MYL2: variants seen among roughly 807,000 people sequenced by gnomAD.
MYL2 encodes myosin light chain 2.
MYL2 carries 19 observed loss-of-function variants against 23.0 expected under a neutral mutation model. The observed-to-expected ratio is 0.83, with a 90% CI of 0.58 to 1.21. The LOEUF (loss-of-function observed/expected upper bound fraction) is 1.21. MYL2 is among the 50% of genes most tolerant of loss of function. The pLI is 0.00. For missense variants in MYL2, 180 were observed against 215.1 expected (o/e 0.84, Z 1.02); for synonymous variants, 78 against 76.2 (o/e 1.02, Z -0.13).
In MYL2 at chr12:110,914,099, T is replaced by C; in HGVS notation, c.274+87A>G. The C allele has an allele frequency of 2.9e-6, 3 of 1,052,368 alleles. No homozygotes were observed. The South Asian group carries it at 3.8e-5, about 13-fold the overall frequency. The allele number at this position is 1,052,368 out of a possible 1,614,324, so 65.2% of individuals were successfully genotyped here. A position where few individuals can be genotyped will look rare whatever the true frequency, so the allele number is the denominator to read the frequency against. On this transcript the variant is annotated intron_variant, in intron 4 of 6. Transcript: ENST00000228841. The stretch of plus-strand genomic sequence containing the variant: ...TATTTTTTTCCAATGGTGCTTTATC[T>C]CTTTTAAAGTTAACCATCTTCTGCC...
chr12:110,910,954 G>T lies in MYL2; in HGVS notation c.*123C>A. On this transcript the variant is annotated 3_prime_UTR_variant, in exon 7 of 7. Coordinates refer to ENST00000228841, the MANE Select transcript of MYL2 (RefSeq NM_000432.4). ...CCAGGCTGCAAAGAAGATGGAGGTG[G>T]ATAAATGGGGCAGCCACATGGCTAA... The T allele has an allele frequency of 1.1e-6, 1 of 920,230 alleles. No individual in the cohort carries two copies. Among genetic ancestry groups the T allele is most frequent in the Admixed American group, 1.8e-5 (1 of 55,492 alleles). The allele number at this position is 920,230 out of a possible 1,614,324, so 57.0% of individuals were successfully genotyped here.
Position 110,910,913 on chromosome 12 carries a change from A to G in MYL2, c.*164T>C. The stretch of plus-strand genomic sequence containing the variant: ...TCCAACTGTAGGATGTGCGGCCACG[A>G]AGTACCCATAGCCACCCAGGCTGCA... On this transcript the variant is annotated 3_prime_UTR_variant, in exon 7 of 7. Transcript: ENST00000228841. 1.4e-6 allele frequency: 1 copy of G among 690,202 alleles called. No homozygotes were observed. The highest frequency in any genetic ancestry group is 2.6e-6 in the Non-Finnish European group (1 of 381,520). 42.8% of individuals were successfully genotyped at this position (690,202 alleles called of 1,614,324 possible). A position where few individuals can be genotyped will look rare whatever the true frequency, so the allele number is the denominator to read the frequency against.
In MYL2 at chr12:110,920,545, G is replaced by A; in HGVS notation, c.-16C>T. 2 of 1,614,144 alleles carry A rather than the reference G, an allele frequency of 1.2e-6. No individual in the cohort carries two copies. Reference sequence around the variant, plus strand: ...TACTCACCATGGTGGAAAGGACCCAGCACTGCCTCCCGAGAAGAATTCCAC... The same window carrying A: ...TACTCACCATGGTGGAAAGGACCCAACACTGCCTCCCGAGAAGAATTCCAC... On this transcript the variant is annotated 5_prime_UTR_variant, in exon 1 of 7. Coordinates refer to ENST00000228841, the MANE Select transcript of MYL2 (RefSeq NM_000432.4).
At position 110,913,295 on chromosome 12, in the gene MYL2, C is replaced by T. The variant is rs369868176; in HGVS notation, c.304G>A (p.Ala102Thr). Reference sequence around the variant, plus strand: ...CCTTCAGGGTCAAACACTTTGAATGCGTTGAGAATGGTTTCCTCAGGGTCC... The same window carrying T: ...CCTTCAGGGTCAAACACTTTGAATGTGTTGAGAATGGTTTCCTCAGGGTCC... ...GADPEETILN[A>T]FKVFDPEGKG... is the part of the protein sequence containing the mutation. The change falls in exon 5 of 7, where the codon GCA becomes ACA. Residue 102 changes from alanine to threonine, a missense_variant. Ala to Thr is a moderately conservative substitution (Grantham distance 58). Coordinates refer to ENST00000228841, the MANE Select transcript of MYL2 (RefSeq NM_000432.4). The T allele has an allele frequency of 4.3e-6, 7 of 1,614,178 alleles. No individual in the cohort carries two copies. Among genetic ancestry groups the T allele is most frequent in the Admixed American group, 1.7e-5 (1 of 60,014 alleles).
chr12:110,914,153 CACACAG>C, intron 4 of MYL2, 27 bp downstream of exon 4: 1 of 1,478,050 alleles, frequency 6.8e-7, no homozygotes, highest in Non-Finnish European at 9.5e-7. Flanking sequence ...TAGACACATA[CACACAG>C]ACACACACAC....
chr12:110,916,622 G>A lies in MYL2; in HGVS notation c.94-832C>T, dbSNP rs555672582. 3.5e-4 allele frequency among the ~76,000 whole-genome samples: 54 copies of A among 152,314 alleles called. No homozygotes were observed. In the South Asian group the frequency reaches 4.1e-3, roughly 12 times the overall value. On this transcript the variant is annotated intron_variant, in intron 2 of 6. Transcript: ENST00000228841. ...GAAATGTCCAGAACAGGAAATTCAT[G>A]GAGACAGAAAATGGATTAGCAGTTG...
chr12:110,911,281 G>T, intron 6 of MYL2, 106 bp from the exon 7 acceptor site: 1 of 598,488 alleles, frequency 1.7e-6, no homozygotes. Context: ...GGGGGGTGGG[G>T]GATGGGAACA....
chr12:110,912,283 C>T (rs558444580), intron 6 of MYL2, among the ~76,000 whole-genome samples: 18 of 151,956 alleles, frequency 1.2e-4, no homozygotes, highest in South Asian at 4.2e-4. Context: ...AACTCACTAC[C>T]GCACCACCTG....
At chr12:110,915,653 T>G (rs2071683180) in intron 3 of MYL2, 62 bp downstream of exon 3, 13 of 1,523,946 alleles carry the variant, frequency 8.5e-6, no homozygotes, top group Non-Finnish European at 1.2e-5. Context: ...TGGTCCCACC[T>G]CCTGCTCCTC....
intron 3 of MYL2, among the ~76,000 whole-genome samples, chr12:110,914,806 C>T (rs1330677018): frequency 6.6e-6 from 1 of 152,228 alleles, no homozygotes; most frequent in Admixed American, 6.5e-5. Context: ...AGGTGTGAGC[C>T]ACCATGCCGG....
chr12:110,913,203 G>A, intron 5 of MYL2, 43 bp downstream of exon 5: 1 of 1,607,516 alleles, frequency 6.2e-7, no homozygotes, highest in South Asian at 1.1e-5. Context: ...GGGGACAGGG[G>A]GCAAGCAGGG....
At chr12:110,911,224 G>A (rs763950053) in intron 6 of MYL2, 49 bp from the exon 7 acceptor site, 2 of 731,504 alleles carry the variant, frequency 2.7e-6, no homozygotes, top group South Asian at 2.7e-5. Flanking sequence ...GGGGAACTGA[G>A]ACGGAGGGTG....
rs2071645398 is a variant in MYL2, at chr12:110,910,956, T to C, written c.*121A>G. ...AGGCTGCAAAGAAGATGGAGGTGGATAAATGGGGCAGCCACATGGCTAACA... is the reference window on the plus strand; with the variant it reads ...AGGCTGCAAAGAAGATGGAGGTGGACAAATGGGGCAGCCACATGGCTAACA... On this transcript the variant is annotated 3_prime_UTR_variant, in exon 7 of 7. Transcript: ENST00000228841. The C allele has an allele frequency of 3.2e-6, 3 of 929,036 alleles. No individual in the cohort carries two copies. The highest frequency in any genetic ancestry group is 1.6e-5 in the African/African-American group (1 of 61,966). The allele number at this position is 929,036 out of a possible 1,614,324, so 57.5% of individuals were successfully genotyped here. A position where few individuals can be genotyped will look rare whatever the true frequency, so the allele number is the denominator to read the frequency against.
chr12:110,917,344 C>T (rs1486222010), intron 2 of MYL2, among the ~76,000 whole-genome samples: 1 of 151,960 alleles, frequency 6.6e-6, no homozygotes, highest in Non-Finnish European at 1.5e-5. Flanking sequence ...CCTGTAATCC[C>T]AGCACTTTGG....
At chr12:110,912,486 C>T (rs2071660105) in intron 6 of MYL2, among the ~76,000 whole-genome samples, 2 of 152,228 alleles carry the variant, frequency 1.3e-5, no homozygotes, top group Admixed American at 1.3e-4. Context: ...CTCTATGCAT[C>T]GTGAGCAAGG....
chr12:110,917,377 T>G (rs989229273), intron 2 of MYL2, among the ~76,000 whole-genome samples: 3 of 151,634 alleles, frequency 2.0e-5, no homozygotes, highest in Non-Finnish European at 4.4e-5. Flanking sequence ...AGGGATCACT[T>G]GAGGCCAGGA....
chr12:110,919,223 T>A (rs781578488), intron 1 of MYL2, 30 bp from the exon 2 acceptor site: 1 of 1,601,312 alleles, frequency 6.2e-7, no homozygotes, highest in African/African-American at 1.3e-5. Context: ...ATTAAAAGAG[T>A]GAGAGGCTGG....
At chr12:110,916,457 T>C (rs1055984583) in intron 2 of MYL2, among the ~76,000 whole-genome samples, 2 of 152,226 alleles carry the variant, frequency 1.3e-5, no homozygotes, top group African/African-American at 4.8e-5. Flanking sequence ...AAACCAAATG[T>C]GGTCTGTCCA....
rs2136770734 is a variant in MYL2, at chr12:110,913,237, C to T, written c.353+9G>A. The T allele has an allele frequency of 6.2e-7, 1 of 1,614,186 alleles. No homozygotes were observed. Among genetic ancestry groups the T allele is most frequent in the Non-Finnish European group, 8.5e-7 (1 of 1,180,026 alleles). ...GGAACCCCCTTCCTCCCCCACAGACCCCACTCACTAATCAGCCTTCAGCAC... is the reference window on the plus strand; with the variant it reads ...GGAACCCCCTTCCTCCCCCACAGACTCCACTCACTAATCAGCCTTCAGCAC... On this transcript the variant is annotated intron_variant, in intron 5 of 6. Transcript: ENST00000228841.
Sources: gnomAD v4.1 joint callset for allele counts (sites outside exome capture counted in the v4.1 genomes callset) on GRCh38, gnomAD v4.1.1 for gene constraint, MANE v1.5 for transcripts, NCBI Gene and HGNC (gene_info 2026-07-23, HGNC 2026-07-21) for gene names.